Variants in RYR2 observed in about 807,000 individuals in gnomAD.
The protein encoded by RYR2 is cardiac muscle ryanodine receptor-calcium release channel.
Under a neutral mutation model 601.1 loss-of-function variants are expected in RYR2, and 227 were observed. That is an observed-to-expected ratio of 0.38 (90% CI 0.34 to 0.42). The LOEUF is 0.42. RYR2 is among the 10% of genes least tolerant of loss of function. RYR2 has a pLI of 1.00. For synonymous variants in RYR2, 2,223 were observed against 2,175.1 expected (o/e 1.02, Z -0.61); for missense variants, 4,646 against 6,156.5 (o/e 0.75, Z 8.21).
chr1:237,734,136 C>T (rs1338015490), intron 79 of RYR2, among the ~76,000 whole-genome samples: 1 of 152,182 alleles, frequency 6.6e-6, no homozygotes, highest in African/African-American at 2.4e-5. Context: ...ATGTATCCCT[C>T]CATTTTTACA....
chr1:237,798,987 A>G (rs1574001184), intron 97 of RYR2, among the ~76,000 whole-genome samples: 2 of 152,196 alleles, frequency 1.3e-5, no homozygotes, highest in African/African-American at 4.8e-5. Context: ...CTTTGAAAAC[A>G]TATTTCTGGT....
intron 2 of RYR2, among the ~76,000 whole-genome samples, chr1:237,322,864 TA>T (rs1184016902): frequency 2.3e-4 from 34 of 147,702 alleles, no homozygotes; most frequent in African/African-American, 2.7e-4. Flanking sequence ...AATTTTTTTT[TA>T]AAAAAAAAAA....
At chr1:237,781,824 C>CTGCATATCTCAGTT (rs1252313065) in intron 89 of RYR2, among the ~76,000 whole-genome samples, 178 bp downstream of exon 89, 1 of 152,068 alleles carries the variant, frequency 6.6e-6, no homozygotes, top group East Asian at 1.9e-4. Context: ...AAGGGAGATC[C>CTGCATATCTCAGTT]TGCATATCTC....
intron 44 of RYR2, among the ~76,000 whole-genome samples, chr1:237,636,033 C>T (rs1010656505): frequency 1.3e-5 from 2 of 152,258 alleles, no homozygotes; most frequent in East Asian, 3.9e-4. Flanking sequence ...TTCTCCACTT[C>T]CTTAAACTCT....
chr1:237,143,416 T>C (rs1673606168), intron 1 of RYR2, among the ~76,000 whole-genome samples: 1 of 152,164 alleles, frequency 6.6e-6, no homozygotes, highest in South Asian at 2.1e-4. Context: ...ATGTAGACCC[T>C]GTAACTCAAC....
At chr1:237,643,016 A>G (rs1681727724) in intron 47 of RYR2, among the ~76,000 whole-genome samples, 1 of 152,234 alleles carries the variant, frequency 6.6e-6, no homozygotes, top group Admixed American at 6.5e-5. Flanking sequence ...GTAAACTTTC[A>G]TAAACACGTC....
chr1:237,755,102 C>T (rs1405384103), intron 80 of RYR2: 7 of 1,288,296 alleles, frequency 5.4e-6, no homozygotes, highest in African/African-American at 3.0e-5. Context: ...TTGCCAGCCT[C>T]GGCGAGAACT....
intron 19 of RYR2, among the ~76,000 whole-genome samples, chr1:237,493,609 C>A (rs892492103): frequency 2.6e-5 from 4 of 152,048 alleles, no homozygotes; most frequent in Non-Finnish European, 5.9e-5. Context: ...CCCGCCACCA[C>A]GCCTGGCTAA....
rs1253011897 is a variant in RYR2 at position 237,793,873 on chromosome 1, T to C, written c.13789T>C (p.Leu4597=). 6.9e-6 allele frequency: 11 copies of C among 1,605,166 alleles called. No individual in the cohort carries two copies. The highest frequency in any genetic ancestry group is 3.3e-5 in the South Asian group (3 of 90,690). ...IIGYYCLKVP[L]VIFKREKEVA... Reference sequence around the variant, plus strand: ...ATTTATTTTTCCTATGTAGGTCCCATTGGTTATTTTTAAGCGAGAAAAGGA... The same window carrying C: ...ATTTATTTTTCCTATGTAGGTCCCACTGGTTATTTTTAAGCGAGAAAAGGA... The change falls in exon 95 of 105, where the codon TTG becomes CTG. Residue 4597 remains leucine, a synonymous_variant. Coordinates refer to ENST00000366574, the MANE Select transcript of RYR2 (RefSeq NM_001035.3).
At chr1:237,208,611 C>T (rs906803335) in intron 1 of RYR2, among the ~76,000 whole-genome samples, 2 of 150,190 alleles carry the variant, frequency 1.3e-5, no homozygotes, top group Admixed American at 1.3e-4. Flanking sequence ...TCAACGTATA[C>T]AATGTGATGT....
chr1:237,672,083 G>A (rs925594398), intron 58 of RYR2, among the ~76,000 whole-genome samples: 1 of 152,116 alleles, frequency 6.6e-6, no homozygotes, highest in Non-Finnish European at 1.5e-5. Flanking sequence ...GGAAAGTTGA[G>A]GGTGGAGGAG....
intron 16 of RYR2, among the ~76,000 whole-genome samples, chr1:237,462,787 G>T (rs1050905669): frequency 4.6e-5 from 7 of 152,162 alleles, no homozygotes; most frequent in Non-Finnish European, 1.0e-4. Context: ...AAGGAAATGG[G>T]CTTTAGACAT....
intron 40 of RYR2, among the ~76,000 whole-genome samples, chr1:237,626,282 A>C (rs1210939190): frequency 2.6e-5 from 4 of 152,180 alleles, no homozygotes; most frequent in African/African-American, 9.7e-5. Flanking sequence ...TTGGGCTGTG[A>C]GTGCCTTGGG....
At chr1:237,810,371 C>T (rs536330270) in intron 100 of RYR2, among the ~76,000 whole-genome samples, 7 of 152,172 alleles carry the variant, frequency 4.6e-5, no homozygotes, top group Middle Eastern at 3.4e-3. Flanking sequence ...TTTGAAAAGA[C>T]GCTCAGCCTC....
At chr1:237,058,531 G>C (rs1394995531) in intron 1 of RYR2, among the ~76,000 whole-genome samples, 1 of 152,162 alleles carries the variant, frequency 6.6e-6, no homozygotes, top group Admixed American at 6.5e-5. Flanking sequence ...AAAGGTAAAA[G>C]CTTTCAACAA....
intron 1 of RYR2, among the ~76,000 whole-genome samples, chr1:237,204,977 G>C (rs1427320598): frequency 6.6e-6 from 1 of 152,186 alleles, no homozygotes; most frequent in Non-Finnish European, 1.5e-5. Flanking sequence ...CCTCAGCAGG[G>C]ACGGGCCTCC....
intron 1 of RYR2, among the ~76,000 whole-genome samples, chr1:237,050,223 G>A (rs1378533039): frequency 1.3e-5 from 2 of 152,202 alleles, no homozygotes; most frequent in Non-Finnish European, 2.9e-5. Flanking sequence ...CCGATGATGA[G>A]TATCTGCCAA....
intron 45 of RYR2, 82 bp from the exon 46 acceptor site, chr1:237,638,933 G>A: frequency 1.4e-6 from 2 of 1,454,092 alleles, no homozygotes; most frequent in South Asian, 2.4e-5. Context: ...CTTATACATA[G>A]GAAATGATTA....
At chr1:237,241,768 G>T (rs115291120) in intron 1 of RYR2, among the ~76,000 whole-genome samples, 2 of 152,278 alleles carry the variant, frequency 1.3e-5, no homozygotes, top group African/African-American at 2.4e-5. Context: ...TCCCTTTTTA[G>T]ACTATATAGG....
Sources: gnomAD v4.1 joint callset for allele counts (sites outside exome capture counted in the v4.1 genomes callset) on GRCh38, gnomAD v4.1.1 for gene constraint, MANE v1.5 for transcripts, NCBI Gene and HGNC (gene_info 2026-07-23, HGNC 2026-07-21) for gene names.